MYO3B: variants seen among roughly 807,000 people sequenced by gnomAD.
MYO3B encodes the protein myosin IIIB, also known as myosin-IIIb.
A neutral mutation model predicts 174.6 loss-of-function variants in MYO3B; 156 were observed. That is an observed-to-expected ratio of 0.89 (90% CI 0.78 to 1.02). The LOEUF (loss-of-function observed/expected upper bound fraction) is 1.02, where lower values mean the gene tolerates loss of function less well. Among genes scored for constraint, MYO3B ranks in the 50% least tolerant of loss-of-function variants. The pLI, the probability that MYO3B is intolerant of heterozygous loss-of-function variation, is 0.00. For missense variants in MYO3B, 1,632 were observed against 1,639.4 expected (o/e 1.00, Z 0.08); for synonymous variants, 563 against 569.1 (o/e 0.99, Z 0.15).
intron 30 of MYO3B, among the ~76,000 whole-genome samples, chr2:170,539,814 G>T (rs1689968631): frequency 6.6e-6 from 1 of 151,702 alleles, no homozygotes; most frequent in Non-Finnish European, 1.5e-5. Flanking sequence ...TAGAGACAGG[G>T]TTTCACCATG....
chr2:170,353,370 C>T (rs2094092403), intron 8 of MYO3B, among the ~76,000 whole-genome samples: 1 of 151,782 alleles, frequency 6.6e-6, no homozygotes, highest in Admixed American at 6.6e-5. Context: ...ACCATGGAGA[C>T]AGTATGGAGA....
chr2:170,216,711 A>G (rs2092832614), intron 5 of MYO3B, among the ~76,000 whole-genome samples: 1 of 152,216 alleles, frequency 6.6e-6, no homozygotes, highest in Non-Finnish European at 1.5e-5. Flanking sequence ...GTCTACACTG[A>G]TGCTCTGTTA....
rs759157485 is a variant in MYO3B at position 170,499,763 on chromosome 2, AG to A, written c.3247del (p.Val1083SerfsTer28). 6.2e-7 allele frequency: 1 copy of A among 1,614,066 alleles called. No homozygotes were observed. On this transcript the variant is annotated frameshift_variant, in exon 27 of 35. Transcript: ENST00000408978. LOFTEE classifies it high-confidence loss of function. ...GTGGCTTGGAGCCAGGAGATACAAA[AG>A]GGTCAGAGAGAAGAGAGAGAAGGGA... ...KGWLGARRYK[R>X]VREKREKGAI...
chr2:170,624,608 T>C (rs887390279), intron 32 of MYO3B, among the ~76,000 whole-genome samples: 1 of 152,180 alleles, frequency 6.6e-6, no homozygotes, highest in Admixed American at 6.5e-5. Flanking sequence ...CTATGTTGGA[T>C]AGGAGTGGTG....
At chr2:170,561,342 G>A (rs1044475384) in intron 32 of MYO3B, among the ~76,000 whole-genome samples, 1 of 152,152 alleles carries the variant, frequency 6.6e-6, no homozygotes, top group Admixed American at 6.5e-5. Flanking sequence ...CTGCATAAAG[G>A]TTTTACTTAC....
At chr2:170,326,350 A>G (rs2093867415) in intron 7 of MYO3B, among the ~76,000 whole-genome samples, 1 of 152,214 alleles carries the variant, frequency 6.6e-6, no homozygotes, top group Non-Finnish European at 1.5e-5. Context: ...ATGCATTTAC[A>G]AATGTGTGTG....
chr2:170,533,068 G>C (rs548265183), intron 30 of MYO3B, among the ~76,000 whole-genome samples: 2 of 152,248 alleles, frequency 1.3e-5, no homozygotes, highest in South Asian at 4.2e-4. Flanking sequence ...AGACAGGGCA[G>C]TTCATCAGCC....
chr2:170,254,500 G>C (rs2093286533), intron 7 of MYO3B, among the ~76,000 whole-genome samples: 1 of 152,140 alleles, frequency 6.6e-6, no homozygotes, highest in Admixed American at 6.5e-5. Context: ...CTGCCTGGCT[G>C]CTCCCACAAG....
intron 7 of MYO3B, among the ~76,000 whole-genome samples, chr2:170,327,380 T>A (rs368910109): frequency 1.2e-4 from 18 of 150,694 alleles, no homozygotes; most frequent in African/African-American, 4.4e-4. Context: ...GCAAGACTCC[T>A]TCTCAACAAC....
chr2:170,404,504 A>T, intron 20 of MYO3B, 104 bp downstream of exon 20: 1 of 1,211,982 alleles, frequency 8.3e-7, no homozygotes, highest in Non-Finnish European at 1.1e-6. Flanking sequence ...TTTTGTTTAT[A>T]TGGTGGTTTG....
At chr2:170,383,397 T>C (rs2094350148) in intron 11 of MYO3B, among the ~76,000 whole-genome samples, 1 of 152,258 alleles carries the variant, frequency 6.6e-6, no homozygotes, top group Admixed American at 6.5e-5. Flanking sequence ...TTAACATTTA[T>C]TGCGTGCTTA....
chr2:170,564,670 T>C (rs1451971434), intron 32 of MYO3B, among the ~76,000 whole-genome samples: 3 of 152,112 alleles, frequency 2.0e-5, no homozygotes, highest in Non-Finnish European at 4.4e-5. Context: ...ATTGAGAGCA[T>C]TGAAAAAATG....
intron 16 of MYO3B, among the ~76,000 whole-genome samples, chr2:170,396,357 G>A (rs2094442012): frequency 6.6e-6 from 1 of 152,100 alleles, no homozygotes; most frequent in Non-Finnish European, 1.5e-5. Context: ...AATCCCTCAG[G>A]TGGACATATA....
chr2:170,604,527 C>T (rs1054588218), intron 32 of MYO3B, among the ~76,000 whole-genome samples: 2 of 151,884 alleles, frequency 1.3e-5, no homozygotes, highest in East Asian at 3.9e-4. Context: ...TTTAATGACC[C>T]TTAAGCTAAG....
chr2:170,623,086 C>T (rs1245367560), intron 32 of MYO3B, among the ~76,000 whole-genome samples: 1 of 152,046 alleles, frequency 6.6e-6, no homozygotes, highest in Non-Finnish European at 1.5e-5. Flanking sequence ...GGGTATATAC[C>T]CAGTAATGGG....
chr2:170,533,618 G>C (rs907621560), intron 30 of MYO3B, among the ~76,000 whole-genome samples: 1 of 152,140 alleles, frequency 6.6e-6, no homozygotes. Flanking sequence ...CGAAGGAAAA[G>C]CACAGATTCT....
At chr2:170,230,745 A>G (rs2093006833) in intron 6 of MYO3B, among the ~76,000 whole-genome samples, 1 of 152,198 alleles carries the variant, frequency 6.6e-6, no homozygotes, top group Admixed American at 6.5e-5. Context: ...TATTAGCCAT[A>G]TGTCAGTGAT....
intron 7 of MYO3B, among the ~76,000 whole-genome samples, chr2:170,321,863 C>T (rs1270349313): frequency 1.3e-5 from 2 of 152,100 alleles, no homozygotes; most frequent in African/African-American, 2.4e-5. Context: ...TACCTGTAAT[C>T]CCAGCACTCT....
chr2:170,555,159 A>C (rs1007688700), intron 32 of MYO3B, among the ~76,000 whole-genome samples: 1 of 152,224 alleles, frequency 6.6e-6, no homozygotes, highest in Non-Finnish European at 1.5e-5. Flanking sequence ...TATTGAGCTT[A>C]AAGTACAAAA....
Sources: allele counts gnomAD v4.1 joint callset (sites outside exome capture counted in the v4.1 genomes callset), GRCh38; gene constraint gnomAD v4.1.1; transcripts MANE v1.5; gene names NCBI Gene and HGNC (gene_info 2026-07-23, HGNC 2026-07-21).